The following ABCA12 variants were observed in gnomAD, a reference collection of about 807,000 sequenced individuals.
ABCA12 encodes the protein glucosylceramide transporter ABCA12.
In ABCA12, 156 loss-of-function variants were observed where a neutral mutation model predicts 293.5. That is an observed-to-expected ratio of 0.53 (90% CI 0.47 to 0.61). The LOEUF is 0.61. ABCA12 is among the 20% of genes least tolerant of loss of function. ABCA12 has a pLI of 0.00. For synonymous variants in ABCA12, 1,063 were observed against 1,108.0 expected (o/e 0.96, Z 0.81); for missense variants, 2,797 against 3,090.2 (o/e 0.91, Z 2.25).
intron 15 of ABCA12, chr2:215,013,035 C>G (rs573992326): frequency 6.6e-6 from 1 of 152,124 alleles, no homozygotes; most frequent in South Asian, 2.1e-4. Flanking sequence ...ATTTTTTTAT[C>G]CTCTTATTTC....
At chr2:214,942,345 A>G (rs1698433364) in intron 50 of ABCA12, among the ~76,000 whole-genome samples, 1 of 152,230 alleles carries the variant, frequency 6.6e-6, no homozygotes, top group African/African-American at 2.4e-5. Context: ...ACAGAAAAGT[A>G]TAAAATATTC....
At chr2:214,967,855 T>G (rs551991718) in intron 38 of ABCA12, among the ~76,000 whole-genome samples, 1 of 152,270 alleles carries the variant, frequency 6.6e-6, no homozygotes, top group East Asian at 1.9e-4. Flanking sequence ...TGTGTATGTC[T>G]CTTACTACCA....
chr2:215,016,582 C>CAAAAAAAAAA lies in ABCA12; in HGVS notation c.1783-929_1783-920dup, dbSNP rs71041981. ...TGGGCAACAGACCATGACTCTGTCT[C>CAAAAAAAAAA]AAAAAAAAAAAAAAAAAAAAAAAAA... On this transcript the variant is annotated intron_variant, in intron 14 of 52. Coordinates refer to ENST00000272895, the MANE Select transcript of ABCA12 (RefSeq NM_173076.3). 8.0e-3 allele frequency among the ~76,000 whole-genome samples: 239 copies of CAAAAAAAAAA among 29,936 alleles called. 65 individuals carry two copies. Among genetic ancestry groups the CAAAAAAAAAA allele is most frequent in the Non-Finnish European group, 0.012 (163 of 13,936 alleles). 19.6% of individuals were successfully genotyped at this position (29,936 alleles called of 152,430 possible). A position where few individuals can be genotyped will look rare whatever the true frequency, so the allele number is the denominator to read the frequency against.
At chr2:215,060,323 G>A (rs917485424) in intron 3 of ABCA12, among the ~76,000 whole-genome samples, 4 of 152,074 alleles carry the variant, frequency 2.6e-5, no homozygotes, top group Admixed American at 6.6e-5. Context: ...CATGCTGTAC[G>A]AATTCATTAT....
chr2:215,002,795 C>A (rs932628157), intron 20 of ABCA12, among the ~76,000 whole-genome samples: 1 of 152,146 alleles, frequency 6.6e-6, no homozygotes, highest in African/African-American at 2.4e-5. Context: ...GGGTCAGAGT[C>A]CCCCGAATTC....
At chr2:214,987,153 ACTAT>A (rs1231678884) in intron 27 of ABCA12, among the ~76,000 whole-genome samples, 1 of 151,980 alleles carries the variant, frequency 6.6e-6, no homozygotes, top group Non-Finnish European at 1.5e-5. Context: ...TTCATTAATA[ACTAT>A]CTACACCTCC....
chr2:214,945,281 C>T (rs1279143318), intron 48 of ABCA12, among the ~76,000 whole-genome samples, 177 bp from the exon 49 acceptor site: 1 of 152,112 alleles, frequency 6.6e-6, no homozygotes, highest in East Asian at 1.9e-4. Context: ...CAAAATTAAT[C>T]ATTTAAAATT....
At chr2:214,963,927 A>AAAG (rs1173933955) in intron 39 of ABCA12, among the ~76,000 whole-genome samples, 1 of 150,204 alleles carries the variant, frequency 6.7e-6, no homozygotes, top group East Asian at 1.9e-4. Context: ...CTGCCTCAAA[A>AAAG]AAAAAAAAAA....
Position 214,934,086 on chromosome 2 carries a change from G to A in ABCA12, c.7672C>T (p.Leu2558=). The A allele has an allele frequency of 6.2e-7, 1 of 1,613,530 alleles. No individual in the cohort carries two copies. Among genetic ancestry groups the A allele is most frequent in the Non-Finnish European group, 8.5e-7 (1 of 1,179,578 alleles). The part of the protein sequence containing the change: ...ITNFLVSQTT[L]EEVFINFAKD... ...CGTGGTATATATCTTACCTCTTCCA[G>A]AGTGGTCTGACTCACTAAGAAATTT... Residue 2558 remains leucine (L), a synonymous_variant, in exon 52 of 53, where the codon CTG becomes TTG. Transcript: ENST00000272895.
At chr2:215,056,574 C>T (rs1285891076) in intron 3 of ABCA12, among the ~76,000 whole-genome samples, 1 of 152,002 alleles carries the variant, frequency 6.6e-6, no homozygotes, top group African/African-American at 2.4e-5. Context: ...TCTTCCCCTT[C>T]CTGAAAATAT....
intron 2 of ABCA12, among the ~76,000 whole-genome samples, chr2:215,065,474 T>C (rs755074464): frequency 6.6e-6 from 1 of 151,708 alleles, no homozygotes; most frequent in Non-Finnish European, 1.5e-5. Context: ...TCCAGTAACT[T>C]AAATGTAGTT....
chr2:215,106,736 A>G (rs1179824786), intron 2 of ABCA12, among the ~76,000 whole-genome samples: 1 of 144,414 alleles, frequency 6.9e-6, no homozygotes, highest in Non-Finnish European at 1.5e-5. Context: ...GATAAAGGGT[A>G]TGCTTTGGAG....
chr2:215,007,782 G>C lies in ABCA12; in HGVS notation c.2537C>G (p.Ser846Trp). 6.2e-7 allele frequency: 1 copy of C among 1,613,952 alleles called. No homozygotes were observed. The highest frequency in any genetic ancestry group is 8.5e-7 in the Non-Finnish European group (1 of 1,179,922). ...REKSQEWMDKSPLFMNSFHLL... is the reference protein window; with the variant it reads ...REKSQEWMDKWPLFMNSFHLL... Reference sequence around the variant, plus strand: ...ATGGAAGGAATTCATGAAAAGTGGCGACTTATCCATCCACTCTTGAGATTT... The same window carrying C: ...ATGGAAGGAATTCATGAAAAGTGGCCACTTATCCATCCACTCTTGAGATTT... The change falls in exon 19 of 53, where the codon TCG becomes TGG. Residue 846 changes from serine (S) to tryptophan (W), a missense_variant. Around this residue, in one of 3 missense-constraint regions of ABCA12, gnomAD observed 2,130 missense variants for 2,427.0 expected, o/e 0.88. Transcript: ENST00000272895.
intron 2 of ABCA12, among the ~76,000 whole-genome samples, chr2:215,089,469 G>A (rs1415337821): frequency 6.6e-6 from 1 of 152,194 alleles, no homozygotes; most frequent in African/African-American, 2.4e-5. Context: ...TATGCTCTCA[G>A]AAACCATTTT....
At position 215,025,791 on chromosome 2, in the gene ABCA12, G is replaced by C; in HGVS notation, c.1181-12C>G. 6.4e-7 allele frequency: 1 copy of C among 1,570,232 alleles called. No individual in the cohort carries two copies. Among genetic ancestry groups the C allele is most frequent in the Non-Finnish European group, 8.8e-7 (1 of 1,140,540 alleles). On this transcript the variant is annotated splice_polypyrimidine_tract_variant and intron_variant, in intron 10 of 52. Coordinates refer to ENST00000272895, the MANE Select transcript of ABCA12 (RefSeq NM_173076.3). Reference sequence around the variant, plus strand: ...GAGTCTTAGATTTTCTGTAAAGGAAGGGAGAAGAGTTACTTTATGTGAATT... The same window carrying C: ...GAGTCTTAGATTTTCTGTAAAGGAACGGAGAAGAGTTACTTTATGTGAATT...
At position 215,047,639 on chromosome 2, in the gene ABCA12, C is replaced by T. The variant is rs138986136; in HGVS notation, c.694-1624G>A. On this transcript the variant is annotated intron_variant, in intron 6 of 52. Transcript: ENST00000272895. ...AAATTCAACTCAATTAAAAAATATACACCTTGCTTACACCATATACAAAAT... is the reference window on the plus strand; with the variant it reads ...AAATTCAACTCAATTAAAAAATATATACCTTGCTTACACCATATACAAAAT... Among the ~76,000 whole-genome samples, 650 of 152,208 alleles carry T rather than the reference C, an allele frequency of 4.3e-3. 4 individuals carry two copies. The highest frequency in any genetic ancestry group is 0.015 in the African/African-American group (607 of 41,546).
intron 2 of ABCA12, among the ~76,000 whole-genome samples, chr2:215,099,677 G>A (rs1575043632): frequency 7.4e-6 from 1 of 135,914 alleles, no homozygotes; most frequent in Non-Finnish European, 1.5e-5. Context: ...TGGTGACAGA[G>A]CGAGACTTCA....
chr2:215,116,964 C>G (rs1198130536), intron 1 of ABCA12, among the ~76,000 whole-genome samples: 2 of 152,116 alleles, frequency 1.3e-5, no homozygotes, highest in Non-Finnish European at 2.9e-5. Context: ...TAAACTGGAT[C>G]CTTTTGCTAT....
chr2:215,010,569 T>G, intron 17 of ABCA12, 99 bp from the exon 18 acceptor site: 14 of 1,317,434 alleles, frequency 1.1e-5, no homozygotes, highest in Non-Finnish European at 1.5e-5. Context: ...CACCCAAAAA[T>G]ACATGCTCTA....
Sources: gnomAD v4.1 joint callset for allele counts (sites outside exome capture counted in the v4.1 genomes callset) on GRCh38, gnomAD v4.1.1 for gene constraint, gnomAD v4.1.1 regional missense constraint, MANE v1.5 for transcripts, NCBI Gene and HGNC (gene_info 2026-07-23, HGNC 2026-07-21) for gene names.